The following DAB1 variants were observed in gnomAD, a reference collection of about 807,000 sequenced individuals.
The protein encoded by DAB1 is DAB adaptor protein 1.
Under a neutral mutation model 64.6 loss-of-function variants are expected in DAB1, and 15 were observed. The observed-to-expected ratio is 0.23, with a 90% confidence interval of 0.16 to 0.36. DAB1 has a LOEUF of 0.36. Ranked by LOEUF, DAB1 falls within the 10% of genes least tolerant of loss-of-function variation. The pLI is 1.00. For missense variants in DAB1, 596 were observed against 706.7 expected, an observed-to-expected ratio of 0.84 and a Z score of 1.78; for synonymous variants, 235 against 251.9, an observed-to-expected ratio of 0.93 and a Z score of 0.64.
At chr1:57,048,802 C>A (rs576767466) in intron 9 of DAB1, among the ~76,000 whole-genome samples, 3 of 152,350 alleles carry the variant, frequency 2.0e-5, no homozygotes, top group Admixed American at 6.5e-5. Flanking sequence ...GAAGGCTACT[C>A]TTCCAGAGGA....
At chr1:57,850,364 A>T (rs1653463920) in intron 1 of DAB1, among the ~76,000 whole-genome samples, 2 of 152,288 alleles carry the variant, frequency 1.3e-5, no homozygotes, top group African/African-American at 4.8e-5. Flanking sequence ...CGAGGCTCAG[A>T]GATGCAAAGC....
chr1:57,943,658 C>A (rs1415784465), intron 5 of DAB1, among the ~76,000 whole-genome samples: 2 of 152,184 alleles, frequency 1.3e-5, no homozygotes, highest in Non-Finnish European at 2.9e-5. Context: ...ACTGTAAGAA[C>A]CCTCTCCCTC....
At chr1:58,488,750 C>A (rs1163628195) in intron 3 of DAB1, among the ~76,000 whole-genome samples, 5 of 152,198 alleles carry the variant, frequency 3.3e-5, no homozygotes, top group African/African-American at 9.6e-5. Flanking sequence ...ACGCCCAGCC[C>A]CAGTGTGTAG....
Position 58,185,872 on chromosome 1 carries a change from G to A in DAB1, n.310-35284C>T, listed in dbSNP as rs367730928. Among the ~76,000 whole-genome samples, 40 of 152,294 alleles carry A rather than the reference G, an allele frequency of 2.6e-4. 1 individual carries two copies. The highest frequency in any genetic ancestry group is 1.8e-3 in the Admixed American group (28 of 15,276). On this transcript the variant is annotated intron_variant and non_coding_transcript_variant, in intron 4 of 20. Transcript: ENST00000485760. The stretch of plus-strand genomic sequence containing the variant: ...AGTCATTGAGTTTCTCTGAACCTCC[G>A]ATTGCTCATCTGTGGCATGTGGATA...
Position 57,251,623 on chromosome 1 carries a change from T to C in DAB1, c.67+39341A>G, listed in dbSNP as rs192354811. Among the ~76,000 whole-genome samples the C allele has an allele frequency of 2.3e-3, 343 of 152,286 alleles. 1 individual carries two copies. Among genetic ancestry groups the C allele is most frequent in the African/African-American group, 8.1e-3 (336 of 41,564 alleles). ...GACAGGGCTTATAACTGCTGCCCCC[T>C]TGATTTTCTCATTTCAGGACTTTTA... On this transcript the variant is annotated intron_variant, in intron 2 of 14. Transcript: ENST00000371236.
At chr1:57,759,894 T>C (rs1390194005) in intron 6 of DAB1, among the ~76,000 whole-genome samples, 1 of 152,154 alleles carries the variant, frequency 6.6e-6, no homozygotes, top group Non-Finnish European at 1.5e-5. Context: ...GAATGATGAT[T>C]CCTGGGTTTC....
At chr1:57,595,350 T>A (rs1377386284) in intron 7 of DAB1, among the ~76,000 whole-genome samples, 24 of 152,138 alleles carry the variant, frequency 1.6e-4, no homozygotes, top group Admixed American at 1.6e-3. Flanking sequence ...ATCAGCTTTT[T>A]TGGGCCCCCA....
chr1:57,054,064 T>C (rs1649494761), intron 9 of DAB1, among the ~76,000 whole-genome samples: 1 of 152,188 alleles, frequency 6.6e-6, no homozygotes. Flanking sequence ...AGAAAGTCTT[T>C]TATGCCTAAT....
chr1:57,845,915 A>G (rs1653258419), intron 1 of DAB1, among the ~76,000 whole-genome samples: 1 of 152,168 alleles, frequency 6.6e-6, no homozygotes, highest in African/African-American at 2.4e-5. Context: ...CCTGTTTAAT[A>G]AATGGAATAA....
At chr1:58,117,852 T>TTA (rs1553161045) in intron 5 of DAB1, among the ~76,000 whole-genome samples, 35 of 151,562 alleles carry the variant, frequency 2.3e-4, no homozygotes, top group South Asian at 8.4e-4. Context: ...GTTTTTTTTT[T>TTA]TATATTTTTT....
chr1:57,890,766 A>T (rs2101981948), intron 5 of DAB1, among the ~76,000 whole-genome samples: 1 of 152,276 alleles, frequency 6.6e-6, no homozygotes, highest in East Asian at 1.9e-4. Flanking sequence ...CACCTAAAAA[A>T]TTATTTTCTC....
At chr1:58,032,014 G>A (rs982480236) in intron 5 of DAB1, among the ~76,000 whole-genome samples, 6 of 69,230 alleles carry the variant, frequency 8.7e-5, no homozygotes, top group African/African-American at 1.4e-4. Flanking sequence ...GTGTGTGTGT[G>A]TGTGTGTGTG....
At chr1:57,346,648 T>C (rs1678129159) in intron 1 of DAB1, among the ~76,000 whole-genome samples, 1 of 152,180 alleles carries the variant, frequency 6.6e-6, no homozygotes, top group South Asian at 2.1e-4. Flanking sequence ...GGCTGTTTTG[T>C]TGTCACTGTT....
intron 1 of DAB1, among the ~76,000 whole-genome samples, chr1:58,541,277 G>GTGAGAAC (rs1646605606): frequency 9.6e-6 from 1 of 104,480 alleles, no homozygotes; most frequent in East Asian, 3.4e-4. Context: ...CTGGGCAACA[G>GTGAGAAC]AGTGAGACTC....
At chr1:58,427,314 C>G (rs1644831044) in intron 3 of DAB1, among the ~76,000 whole-genome samples, 1 of 152,096 alleles carries the variant, frequency 6.6e-6, no homozygotes, top group Admixed American at 6.6e-5. Flanking sequence ...TCTAGACATA[C>G]TAAGGACTTT....
intron 1 of DAB1, among the ~76,000 whole-genome samples, chr1:57,392,530 T>A (rs1286256316): frequency 6.6e-6 from 1 of 152,208 alleles, no homozygotes; most frequent in Admixed American, 6.5e-5. Context: ...GACCTCAGTC[T>A]TCACGAGGAA....
intron 7 of DAB1, among the ~76,000 whole-genome samples, chr1:57,527,547 C>G (rs1644607617): frequency 1.3e-5 from 2 of 152,146 alleles, no homozygotes; most frequent in Non-Finnish European, 2.9e-5. Flanking sequence ...GGTTAATACT[C>G]TTTCTACTGA....
At chr1:57,515,106 A>C (rs1355399908) in intron 7 of DAB1, among the ~76,000 whole-genome samples, 3 of 150,888 alleles carry the variant, frequency 2.0e-5, no homozygotes, top group African/African-American at 7.4e-5. Context: ...TATTCTGTCA[A>C]AGAAAGAAAG....
rs538215723 is a variant in DAB1 at position 57,271,851 on chromosome 1, C to T, written c.67+19113G>A. Among the ~76,000 whole-genome samples, 309 of 152,278 alleles carry T rather than the reference C, an allele frequency of 2.0e-3. 2 individuals carry two copies. The highest frequency in any genetic ancestry group is 6.9e-3 in the African/African-American group (286 of 41,560). ...AATCACTACTGTCACACTGATTGTTCCAAACTCTTGAATAGACTATAGGTG... is the reference window on the plus strand; with the variant it reads ...AATCACTACTGTCACACTGATTGTTTCAAACTCTTGAATAGACTATAGGTG... On this transcript the variant is annotated intron_variant, in intron 2 of 14. Coordinates refer to ENST00000371236, the MANE Select transcript of DAB1 (RefSeq NM_001365792.1).
Sources: gnomAD v4.1 joint callset for allele counts (sites outside exome capture counted in the v4.1 genomes callset) on GRCh38, gnomAD v4.1.1 for gene constraint, MANE v1.5 for transcripts, NCBI Gene and HGNC (gene_info 2026-07-23, HGNC 2026-07-21) for gene names.